The following SNTA1 variants were observed in gnomAD, a reference collection of about 807,000 sequenced individuals.
SNTA1 encodes the protein syntrophin alpha 1, also known as alpha-1-syntrophin.
Under a neutral mutation model 47.1 loss-of-function variants are expected in SNTA1, and 31 were observed. That is an observed-to-expected ratio of 0.66 (90% CI 0.49 to 0.89). SNTA1 has a LOEUF of 0.89. Ranked by LOEUF, SNTA1 falls within the 40% of genes least tolerant of loss-of-function variation. SNTA1 has a pLI of 0.00. For synonymous variants in SNTA1, 300 were observed against 313.6 expected (o/e 0.96, Z 0.46); for missense variants, 575 against 693.0 (o/e 0.83, Z 1.91).
At position 33,443,470 on chromosome 20, in the gene SNTA1, G is replaced by C; in HGVS notation, c.151C>G (p.Pro51Ala). The change falls in exon 1 of 8, where the codon CCC becomes GCC. Residue 51 changes from proline to alanine, a missense_variant. Pro to Ala is a conservative substitution (Grantham distance 27). Coordinates refer to ENST00000217381, the MANE Select transcript of SNTA1 (RefSeq NM_003098.3). ...TVSPADGDPG[P>A]EPGAPREQEP... ...TGCTCCCGCGGAGCGCCGGGCTCGG[G>C]ACCAGGGTCGCCGTCGGCGGGGCTC... The C allele has an allele frequency of 7.3e-7, 1 of 1,378,732 alleles. No homozygotes were observed. Among genetic ancestry groups the C allele is most frequent in the Non-Finnish European group, 9.4e-7 (1 of 1,061,856 alleles). The allele number at this position is 1,378,732 out of a possible 1,614,324, so 85.4% of individuals were successfully genotyped here.
At chr20:33,430,207 C>T (rs542401393) in intron 2 of SNTA1, among the ~76,000 whole-genome samples, 148 of 151,910 alleles carry the variant, frequency 9.7e-4, no homozygotes, top group Admixed American at 2.0e-3. Flanking sequence ...TCAACTCTCT[C>T]GAACACACCT....
chr20:33,420,188 T>C (rs991325894), intron 2 of SNTA1, among the ~76,000 whole-genome samples: 2 of 152,146 alleles, frequency 1.3e-5, no homozygotes, highest in Non-Finnish European at 2.9e-5. Context: ...CCTCCAAAAG[T>C]GCTGGGATTA....
chr20:33,408,860 G>A lies in SNTA1; in HGVS notation c.1266C>T (p.Ser422=). Residue 422 remains serine (S), a synonymous_variant, in exon 7 of 8, where the codon AGC becomes AGT. Coordinates refer to ENST00000217381, the MANE Select transcript of SNTA1 (RefSeq NM_003098.3). The part of the protein sequence containing the change: ...TACTWNGRPC[S]LSVHIDKGFT... Reference sequence around the variant, plus strand: ...AGCCCTTGTCGATGTGCACAGACAGGCTGCAGGGACGCCCATTCCACGTGC... The same window carrying A: ...AGCCCTTGTCGATGTGCACAGACAGACTGCAGGGACGCCCATTCCACGTGC... 1 of 1,614,162 alleles carries A rather than the reference G, an allele frequency of 6.2e-7. No homozygotes were observed. The highest frequency in any genetic ancestry group is 8.5e-7 in the Non-Finnish European group (1 of 1,180,034).
At chr20:33,440,621 G>A (rs112917577) in intron 1 of SNTA1, among the ~76,000 whole-genome samples, 2,487 of 152,208 alleles carry the variant, frequency 0.016, 63 homozygotes, top group African/African-American at 0.056. Flanking sequence ...ACTCCAGCAT[G>A]GGCGACAGAA....
intron 3 of SNTA1, among the ~76,000 whole-genome samples, chr20:33,414,959 C>G (rs1989837803): frequency 6.6e-6 from 1 of 152,152 alleles, no homozygotes; most frequent in Non-Finnish European, 1.5e-5. Flanking sequence ...CAGTGCAATC[C>G]TAACACTGAG....
intron 2 of SNTA1, among the ~76,000 whole-genome samples, chr20:33,421,382 C>T (rs929480289): frequency 6.6e-6 from 1 of 152,024 alleles, no homozygotes; most frequent in African/African-American, 2.4e-5. Flanking sequence ...GAGGCTGAGG[C>T]GGGAGGATCA....
chr20:33,418,257 C>CT (rs34434208), intron 2 of SNTA1, among the ~76,000 whole-genome samples: 4,836 of 129,688 alleles, frequency 0.037, 187 homozygotes, highest in African/African-American at 0.094. Context: ...GGCCATGTGA[C>CT]TTTTTTTTTT....
chr20:33,436,147 C>G (rs6141396), intron 2 of SNTA1, among the ~76,000 whole-genome samples: 5 of 151,704 alleles, frequency 3.3e-5, no homozygotes, highest in African/African-American at 9.7e-5. Context: ...GAGCCGAGAT[C>G]CCGCCACTGC....
rs1234604785 is a variant in SNTA1 at position 33,443,544 on chromosome 20, T to C, written c.77A>G (p.Glu26Gly). 2.2e-6 allele frequency: 3 copies of C among 1,341,888 alleles called. No homozygotes were observed. The highest frequency in any genetic ancestry group is 2.9e-6 in the Non-Finnish European group (3 of 1,039,310). The allele number at this position is 1,341,888 out of a possible 1,614,324, so 83.1% of individuals were successfully genotyped here. A position where few individuals can be genotyped will look rare whatever the true frequency, so the allele number is the denominator to read the frequency against. Residue 26 changes from glutamate to glycine, a missense_variant, in exon 1 of 8, where the codon GAG becomes GGG. Transcript: ENST00000217381. ...ACTCAGCAGCACCCGCTGCCATCGC[T>C]CGCCGCCGGCCCCCGAGCCCGCCCC... ...RAGAGSGAGG[E>G]RWQRVLLSLA...
rs1990632849 is a variant in SNTA1, at chr20:33,443,488, C to T, written c.133G>A (p.Ala45Thr). ...GGCTCGGGACCAGGGTCGCCGTCGG[C>T]GGGGCTCACGGTCAGCACGTCCTCC... Reference protein sequence around the residue: ...LAEDVLTVSPADGDPGPEPGA... With the variant: ...LAEDVLTVSPTDGDPGPEPGA... Residue 45 changes from alanine to threonine, a missense_variant, in exon 1 of 8, where the codon GCC (alanine) becomes ACC (threonine). Ala to Thr is a moderately conservative substitution (Grantham distance 58). Coordinates refer to ENST00000217381, the MANE Select transcript of SNTA1 (RefSeq NM_003098.3). The T allele has an allele frequency of 7.3e-7, 1 of 1,376,948 alleles. No individual in the cohort carries two copies. The highest frequency in any genetic ancestry group is 2.7e-4 in the Middle Eastern group (1 of 3,734). The allele number at this position is 1,376,948 out of a possible 1,614,324, so 85.3% of individuals were successfully genotyped here.
chr20:33,443,342 G>T lies in SNTA1; in HGVS notation c.279C>A (p.Ala93=), dbSNP rs1178951223. The T allele has an allele frequency of 1.5e-5, 22 of 1,487,016 alleles. No individual in the cohort carries two copies. Among genetic ancestry groups the T allele is most frequent in the Middle Eastern group, 4.8e-4 (2 of 4,166 alleles). 92.1% of individuals were successfully genotyped at this position (1,487,016 alleles called of 1,614,324 possible). Residue 93 remains alanine (A), a synonymous_variant, in exon 1 of 8, where the codon GCC becomes GCA. Transcript: ENST00000217381. ...LQRRRVTVRK[A]DAGGLGISIK... ...TGCTGATGCCCAGCCCACCGGCGTCGGCCTTGCGCACCGTCACGCGGCGCC... is the reference window on the plus strand; with the variant it reads ...TGCTGATGCCCAGCCCACCGGCGTCTGCCTTGCGCACCGTCACGCGGCGCC...
At chr20:33,424,886 G>A (rs895851248) in intron 2 of SNTA1, among the ~76,000 whole-genome samples, 5 of 151,524 alleles carry the variant, frequency 3.3e-5, no homozygotes, top group Non-Finnish European at 5.9e-5. Context: ...GGGGGCCGAC[G>A]CGGGCAGATC....
intron 2 of SNTA1, among the ~76,000 whole-genome samples, chr20:33,434,845 C>T (rs1990397758): frequency 1.3e-5 from 2 of 151,644 alleles, no homozygotes; most frequent in South Asian, 4.1e-4. Flanking sequence ...CCTGGAGCTG[C>T]CACTCTAAAT....
chr20:33,431,612 G>A (rs1344124590), intron 2 of SNTA1, among the ~76,000 whole-genome samples: 1 of 152,096 alleles, frequency 6.6e-6, no homozygotes, highest in Non-Finnish European at 1.5e-5. Context: ...AGCCAGGCAT[G>A]GTGGCACGCG....
At chr20:33,432,796 G>C (rs1202821458) in intron 2 of SNTA1, among the ~76,000 whole-genome samples, 1 of 152,170 alleles carries the variant, frequency 6.6e-6, no homozygotes, top group African/African-American at 2.4e-5. Flanking sequence ...AGGAGTTGAG[G>C]CTGCAGTGAG....
At chr20:33,433,850 CT>C (rs1568759714) in intron 2 of SNTA1, among the ~76,000 whole-genome samples, 3 of 152,166 alleles carry the variant, frequency 2.0e-5, no homozygotes, top group African/African-American at 7.2e-5. Flanking sequence ...AACCCCTGAC[CT>C]AGTAGAAGAA....
intron 2 of SNTA1, among the ~76,000 whole-genome samples, chr20:33,437,505 T>C (rs183883088): frequency 1.0e-3 from 153 of 152,090 alleles, no homozygotes; most frequent in African/African-American, 3.5e-3. Flanking sequence ...AATAAAACTT[T>C]ACATTTTATT....
At chr20:33,442,099 C>T (rs1030035070) in intron 1 of SNTA1, among the ~76,000 whole-genome samples, 3 of 152,160 alleles carry the variant, frequency 2.0e-5, no homozygotes, top group Admixed American at 2.0e-4. Context: ...TTTTAACTTT[C>T]TGAGTCTCAG....
rs544322412 is a variant in SNTA1 at position 33,413,143 on chromosome 20, C to T, written c.702-361G>A. On this transcript the variant is annotated intron_variant, in intron 3 of 7. Coordinates refer to ENST00000217381, the MANE Select transcript of SNTA1 (RefSeq NM_003098.3). ...CCAAGTAGCTGGGATTACAGGCACA[C>T]GCCACCACACCCATATAATTTTTGT... is the stretch of plus-strand genomic sequence containing the variant. 1.1e-4 allele frequency among the ~76,000 whole-genome samples: 17 copies of T among 152,056 alleles called. 1 individual carries two copies. Among genetic ancestry groups the T allele is most frequent in the South Asian group, 4.2e-4 (2 of 4,810 alleles).
Sources: allele counts gnomAD v4.1 joint callset (sites outside exome capture counted in the v4.1 genomes callset), GRCh38; gene constraint gnomAD v4.1.1; transcripts MANE v1.5; gene names NCBI Gene and HGNC (gene_info 2026-07-23, HGNC 2026-07-21).